Variants in EDIL3 observed in about 807,000 individuals in gnomAD.
The protein encoded by EDIL3 is EGF like and discoidin domains 3.
A neutral mutation model predicts 67.4 loss-of-function variants in EDIL3; 37 were observed. The ratio of observed to expected loss-of-function variants is 0.55; its 90% CI spans 0.42 to 0.72. EDIL3 has a LOEUF of 0.72. Among genes scored for constraint, EDIL3 ranks in the 30% least tolerant of loss-of-function variants. The probability of loss-of-function intolerance (pLI) is 0.00; values close to 1 mark genes in which losing one functional copy is unlikely to be tolerated. For synonymous variants in EDIL3, 195 were observed against 196.3 expected (o/e 0.99, Z 0.05); for missense variants, 527 against 586.3 (o/e 0.90, Z 1.04).
At chr5:84,030,367 C>A (rs1264080759) in intron 9 of EDIL3, among the ~76,000 whole-genome samples, 1 of 152,110 alleles carries the variant, frequency 6.6e-6, no homozygotes, top group Non-Finnish European at 1.5e-5. Flanking sequence ...TCATGTTCAA[C>A]CTTGTAACCT....
At chr5:84,232,538 T>C (rs970194502) in intron 2 of EDIL3, among the ~76,000 whole-genome samples, 2 of 152,090 alleles carry the variant, frequency 1.3e-5, no homozygotes, top group African/African-American at 2.4e-5. Flanking sequence ...TCAGAACCTT[T>C]GAAAAAGCAA....
chr5:83,989,178 A>G (rs971602260), intron 9 of EDIL3, among the ~76,000 whole-genome samples: 1 of 152,182 alleles, frequency 6.6e-6, no homozygotes, highest in Non-Finnish European at 1.5e-5. Context: ...ATGGCAAAAT[A>G]TAATTCCTGC....
intron 9 of EDIL3, among the ~76,000 whole-genome samples, chr5:84,016,448 A>G (rs1167094200): frequency 6.6e-6 from 1 of 152,102 alleles, no homozygotes; most frequent in African/African-American, 2.4e-5. Flanking sequence ...TGTGTTTTGT[A>G]TATGCTGTAA....
chr5:84,135,392 A>G (rs1211730187), intron 5 of EDIL3, among the ~76,000 whole-genome samples: 1 of 152,210 alleles, frequency 6.6e-6, no homozygotes, highest in African/African-American at 2.4e-5. Context: ...CCTTCCTGGA[A>G]GGTTCTCTAT....
At chr5:84,213,214 T>A (rs528830641) in intron 3 of EDIL3, among the ~76,000 whole-genome samples, 39 of 151,852 alleles carry the variant, frequency 2.6e-4, no homozygotes, top group African/African-American at 9.4e-4. Context: ...GACGATCTTA[T>A]AAATAAGACT....
rs548981561 is a variant in EDIL3, at chr5:84,116,278, A to G, written c.470-9448T>C. Among the ~76,000 whole-genome samples the G allele has an allele frequency of 1.2e-4, 19 of 152,092 alleles. No individual in the cohort carries two copies. In the South Asian group the frequency reaches 3.5e-3, roughly 28 times the overall value. ...GACATACTGAGCTCTGTCTAATACT[A>G]GCACACTTCGAAAAGTTGTGGAAGA... is the stretch of plus-strand genomic sequence containing the variant. On this transcript the variant is annotated intron_variant, in intron 5 of 10. Coordinates refer to ENST00000296591, the MANE Select transcript of EDIL3 (RefSeq NM_005711.5).
At chr5:84,059,971 T>G (rs1198601414) in intron 9 of EDIL3, among the ~76,000 whole-genome samples, 1 of 152,172 alleles carries the variant, frequency 6.6e-6, no homozygotes, top group African/African-American at 2.4e-5. Context: ...CTGTCATGCT[T>G]TCAAAGCCAA....
intron 1 of EDIL3, among the ~76,000 whole-genome samples, chr5:84,382,860 G>A (rs1021405037): frequency 1.3e-5 from 2 of 151,978 alleles, no homozygotes; most frequent in Admixed American, 1.3e-4. Flanking sequence ...CACGCTGGGG[G>A]AAAATAACCA....
chr5:84,217,308 A>G (rs1744248427), intron 3 of EDIL3, among the ~76,000 whole-genome samples: 1 of 152,170 alleles, frequency 6.6e-6, no homozygotes, highest in Non-Finnish European at 1.5e-5. Context: ...TTTCTCTGAA[A>G]TAGGTTCTTT....
At chr5:83,976,894 A>G (rs1744885782) in intron 9 of EDIL3, among the ~76,000 whole-genome samples, 1 of 151,812 alleles carries the variant, frequency 6.6e-6, no homozygotes, top group Non-Finnish European at 1.5e-5. Flanking sequence ...TATATTACTA[A>G]GGTTCAACTA....
chr5:84,349,064 T>A (rs974873706), intron 1 of EDIL3, among the ~76,000 whole-genome samples: 2 of 152,168 alleles, frequency 1.3e-5, no homozygotes, highest in African/African-American at 4.8e-5. Flanking sequence ...CCCCCTTTTC[T>A]CTTCTCTTTA....
chr5:84,297,044 T>C (rs776094745), intron 1 of EDIL3, among the ~76,000 whole-genome samples: 1 of 151,648 alleles, frequency 6.6e-6, no homozygotes, highest in Admixed American at 6.6e-5. Context: ...TAGCTGGGTA[T>C]GGAAGGGGGT....
Position 84,067,195 on chromosome 5 carries a change from T to G in EDIL3, c.652-589A>C, listed in dbSNP as rs1197001926. Among the ~76,000 whole-genome samples, 6 of 152,184 alleles carry G rather than the reference T, an allele frequency of 3.9e-5. No individual in the cohort carries two copies. In the South Asian group the frequency reaches 8.3e-4, roughly 21 times the overall value. On this transcript the variant is annotated intron_variant, in intron 6 of 10. Coordinates refer to ENST00000296591, the MANE Select transcript of EDIL3 (RefSeq NM_005711.5). ...TTTTAAAAAAATTAAATGATTGCTT[T>G]TTTCTTCATTTTATTATAAGTAAAA...
chr5:84,286,495 C>G (rs1323076304), intron 1 of EDIL3, among the ~76,000 whole-genome samples: 1 of 152,114 alleles, frequency 6.6e-6, no homozygotes, highest in Non-Finnish European at 1.5e-5. Flanking sequence ...TGAAGGAATT[C>G]AGTAGACAGT....
intron 9 of EDIL3, among the ~76,000 whole-genome samples, chr5:84,036,901 G>T (rs1209899424): frequency 6.6e-6 from 1 of 152,198 alleles, no homozygotes; most frequent in Non-Finnish European, 1.5e-5. Flanking sequence ...TCCTCTGAGT[G>T]AGCTCCATCT....
intron 1 of EDIL3, among the ~76,000 whole-genome samples, chr5:84,338,244 C>T (rs1264972877): frequency 1.3e-5 from 2 of 152,134 alleles, no homozygotes; most frequent in Non-Finnish European, 1.5e-5. Context: ...ACACTCCTGA[C>T]TAAATTTGGC....
chr5:84,115,359 CAGTTT>C (rs529403411), intron 5 of EDIL3, among the ~76,000 whole-genome samples: 62 of 152,080 alleles, frequency 4.1e-4, no homozygotes, highest in Non-Finnish European at 8.5e-4. Context: ...GATATATTAT[CAGTTT>C]AAATTAATTG....
At chr5:84,316,786 C>T (rs1335840274) in intron 1 of EDIL3, among the ~76,000 whole-genome samples, 2 of 152,120 alleles carry the variant, frequency 1.3e-5, no homozygotes, top group Non-Finnish European at 2.9e-5. Flanking sequence ...GAACTCTCCA[C>T]CCTAAATCAA....
In EDIL3 at chr5:84,074,514, T is replaced by C. The variant is rs1196918396; in HGVS notation, c.652-7908A>G. Among the ~76,000 whole-genome samples, 12 of 151,690 alleles carry C rather than the reference T, an allele frequency of 7.9e-5. No homozygotes were observed. The East Asian group carries it at 1.9e-3, about 25-fold the overall frequency. On this transcript the variant is annotated intron_variant, in intron 6 of 10. Coordinates refer to ENST00000296591, the MANE Select transcript of EDIL3 (RefSeq NM_005711.5). ...AACAAATTTACAAGAAAAAAACAAA[T>C]AACCCCATCAAAAAGTGGGCAAAGG... is the stretch of plus-strand genomic sequence containing the variant.
Sources: allele counts gnomAD v4.1 joint callset (sites outside exome capture counted in the v4.1 genomes callset), GRCh38; gene constraint gnomAD v4.1.1; transcripts MANE v1.5; gene names NCBI Gene and HGNC (gene_info 2026-07-23, HGNC 2026-07-21).